Variants in MAPT observed in about 807,000 individuals in gnomAD.
MAPT encodes the protein microtubule-associated protein tau.
A neutral mutation model predicts 67.9 loss-of-function variants in MAPT; 34 were observed. The observed-to-expected ratio is 0.50, with a 90% CI of 0.38 to 0.67. The LOEUF (loss-of-function observed/expected upper bound fraction) is 0.67, where lower values mean the gene tolerates loss of function less well. MAPT is among the 30% of genes least tolerant of loss of function. The pLI is 0.00. For synonymous variants in MAPT, 456 were observed against 464.5 expected (o/e 0.98, Z 0.23); for missense variants, 881 against 1,115.2 (o/e 0.79, Z 2.99).
At chr17:46,018,068 C>A (rs1250218572) in intron 11 of MAPT, among the ~76,000 whole-genome samples, 1 of 151,292 alleles carries the variant, frequency 6.6e-6, no homozygotes, top group African/African-American at 2.4e-5. Flanking sequence ...TGGCATGAAC[C>A]CGGGAGGCGG....
rs150100916 is a variant in MAPT, at chr17:45,968,096, G to A, written c.134-3763G>A. On this transcript the variant is annotated intron_variant, in intron 2 of 12. Transcript: ENST00000262410. Reference sequence around the variant, plus strand: ...CCAGAGCCATTCCTTAAAGCAGCGCGCCACAAACTATAACCCACAAGCCAA... The same window carrying A: ...CCAGAGCCATTCCTTAAAGCAGCGCACCACAAACTATAACCCACAAGCCAA... 9.0e-3 allele frequency among the ~76,000 whole-genome samples: 1,362 copies of A among 152,054 alleles called. 17 individuals are homozygous for A. The highest frequency in any genetic ancestry group is 0.031 in the African/African-American group (1,281 of 41,430).
chr17:45,940,673 A>T (rs1468523013), intron 1 of MAPT, among the ~76,000 whole-genome samples: 1 of 152,152 alleles, frequency 6.6e-6, no homozygotes, highest in Non-Finnish European at 1.5e-5. Flanking sequence ...TGGGATGAAG[A>T]ACTGGCATGT....
intron 9 of MAPT, among the ~76,000 whole-genome samples, chr17:46,000,384 T>C (rs181834399): frequency 6.6e-6 from 1 of 152,170 alleles, no homozygotes; most frequent in Admixed American, 6.5e-5. Flanking sequence ...GAAAGGAAAA[T>C]GCAGATAATC....
At chr17:45,990,276 TAGC>T (rs929024725) in intron 7 of MAPT, among the ~76,000 whole-genome samples, 88 of 152,186 alleles carry the variant, frequency 5.8e-4, no homozygotes, top group Non-Finnish European at 9.8e-4. Context: ...CAGGCTCTCA[TAGC>T]AGCAGCTCCT....
chr17:46,009,001 T>G (rs1323135455), intron 9 of MAPT, among the ~76,000 whole-genome samples: 1 of 152,140 alleles, frequency 6.6e-6, no homozygotes, highest in East Asian at 1.9e-4. Flanking sequence ...AGTTTCAAAC[T>G]ATCCTGGACA....
intron 1 of MAPT, among the ~76,000 whole-genome samples, chr17:45,913,072 T>G (rs1721324479): frequency 6.6e-6 from 1 of 152,222 alleles, no homozygotes; most frequent in African/African-American, 2.4e-5. Context: ...GCTAAGTTTC[T>G]GTATTAGTCC....
intron 1 of MAPT, among the ~76,000 whole-genome samples, chr17:45,948,552 G>A (rs2068733309): frequency 6.6e-6 from 1 of 152,182 alleles, no homozygotes; most frequent in Non-Finnish European, 1.5e-5. Context: ...TTCCTTAGCT[G>A]TTACCAGTCA....
chr17:46,020,446 G>A (rs1440923476), intron 12 of MAPT, among the ~76,000 whole-genome samples: 1 of 152,224 alleles, frequency 6.6e-6, no homozygotes, highest in Non-Finnish European at 1.5e-5. Flanking sequence ...AGTTCTGGGA[G>A]TGGCTCACTT....
rs62056780 is a variant in MAPT, at chr17:45,896,286, C to T, written c.-18+1600C>T. 21,842 of 152,236 alleles carry T rather than the reference C, an allele frequency of 0.14. 2,141 individuals are homozygous for T. Among genetic ancestry groups the T allele is most frequent in the Middle Eastern group, 0.22 (64 of 294 alleles). The allele number at this position is 152,236 out of a possible 1,614,324, so 9.4% of individuals were successfully genotyped here. A position where few individuals can be genotyped will look rare whatever the true frequency, so the allele number is the denominator to read the frequency against. On this transcript the variant is annotated intron_variant, in intron 1 of 12. Coordinates refer to ENST00000262410, the MANE Select transcript of MAPT (RefSeq NM_001377265.1). The surrounding 1 kb of genome is among the most constrained non-coding windows in gnomAD (Gnocchi z 5.6). ...GCTGCGGGCGGCGGCAGAGGGATCTCGCCCCTCCCTACACCCCAAGTGTCC... is the reference window on the plus strand; with the variant it reads ...GCTGCGGGCGGCGGCAGAGGGATCTTGCCCCTCCCTACACCCCAAGTGTCC...
rs933190768 is a variant in MAPT, at chr17:45,996,801, C to A, written c.1998+137C>A. The A allele has an allele frequency of 8.3e-6, 10 of 1,201,924 alleles. No homozygotes were observed. The highest frequency in any genetic ancestry group is 4.6e-5 in the African/African-American group (3 of 65,158). 74.5% of individuals were successfully genotyped at this position (1,201,924 alleles called of 1,614,324 possible). A position where few individuals can be genotyped will look rare whatever the true frequency, so the allele number is the denominator to read the frequency against. ...TGGGACTGTGCATGGAGGTGTGGGG[C>A]TCCCCGCACCTGAGCACCCCCGCAT... On this transcript the variant is annotated intron_variant, in intron 9 of 12. Transcript: ENST00000262410. This position sits in a 1 kb window ranked among gnomAD's most constrained non-coding sequence, Gnocchi z 4.5.
At chr17:46,005,668 A>G (rs1485732386) in intron 9 of MAPT, among the ~76,000 whole-genome samples, 2 of 152,198 alleles carry the variant, frequency 1.3e-5, no homozygotes, top group African/African-American at 4.8e-5. Context: ...GCATGAATTG[A>G]TTCAAAGACT....
At chr17:45,918,062 C>T (rs1287543711) in intron 1 of MAPT, among the ~76,000 whole-genome samples, 1 of 152,216 alleles carries the variant, frequency 6.6e-6, no homozygotes, top group African/African-American at 2.4e-5. Context: ...GCATGAGCCA[C>T]CATGCCCAGC....
In MAPT at chr17:46,017,440, ATTTTTTTTTTTTTT is replaced by A. The variant is rs76980614; in HGVS notation, c.2174-1161_2174-1148del. Among the ~76,000 whole-genome samples the A allele has an allele frequency of 1.0e-3, 64 of 63,006 alleles. 1 individual carries two copies. The highest frequency in any genetic ancestry group is 4.2e-3 in the African/African-American group (53 of 12,646). 41.3% of individuals were successfully genotyped at this position (63,006 alleles called of 152,430 possible). A position where few individuals can be genotyped will look rare whatever the true frequency, so the allele number is the denominator to read the frequency against. ...AGGCACATGCCAACATGCCTGGCTA[ATTTTTTTTTTTTTT>A]TTTTTTTTTTTTTTTTGAGATGGAG... On this transcript the variant is annotated intron_variant, in intron 11 of 12. Transcript: ENST00000262410.
intron 1 of MAPT, among the ~76,000 whole-genome samples, chr17:45,932,538 C>T (rs2066933453): frequency 7.1e-6 from 1 of 141,768 alleles, no homozygotes; most frequent in South Asian, 2.2e-4. Context: ...TGCAGTGAGC[C>T]GAGATCTATC....
At chr17:46,011,901 C>T (rs1177248605) in intron 10 of MAPT, among the ~76,000 whole-genome samples, 2 of 152,182 alleles carry the variant, frequency 1.3e-5, no homozygotes, top group Non-Finnish European at 2.9e-5. Context: ...GCTTGCCCTG[C>T]GGCTGCTGCA....
At chr17:46,017,360 G>A (rs1198675955) in intron 11 of MAPT, among the ~76,000 whole-genome samples, 6 of 149,914 alleles carry the variant, frequency 4.0e-5, no homozygotes, top group African/African-American at 4.9e-5. Context: ...TGCAACCTCC[G>A]CCTCCTGGGT....
intron 11 of MAPT, among the ~76,000 whole-genome samples, chr17:46,018,275 T>G (rs1043037636): frequency 6.6e-6 from 1 of 152,192 alleles, no homozygotes; most frequent in African/African-American, 2.4e-5. Flanking sequence ...AGTGTAAATA[T>G]TTGATGCACA....
chr17:45,926,946 T>C (rs569645153), intron 1 of MAPT, among the ~76,000 whole-genome samples: 356 of 108,136 alleles, frequency 3.3e-3, no homozygotes, highest in African/African-American at 8.6e-3. Context: ...CACATATATA[T>C]ACATATATGT....
At chr17:46,017,273 G>T (rs754836203) in intron 11 of MAPT, among the ~76,000 whole-genome samples, 1 of 151,904 alleles carries the variant, frequency 6.6e-6, no homozygotes, top group South Asian at 2.1e-4. Context: ...AGGGAGAAAG[G>T]GTCCTTATTT....
Sources: allele counts gnomAD v4.1 joint callset (sites outside exome capture counted in the v4.1 genomes callset), GRCh38; gene constraint gnomAD v4.1.1; non-coding constraint Gnocchi (gnomAD v3.1); transcripts MANE v1.5; gene names NCBI Gene and HGNC (gene_info 2026-07-23, HGNC 2026-07-21).